Variants in ASIC2 observed in about 807,000 individuals in gnomAD.
ASIC2 encodes the protein acid-sensing ion channel 2.
Under a neutral mutation model 57.3 loss-of-function variants are expected in ASIC2, and 25 were observed. The observed-to-expected ratio is 0.44, with a 90% CI of 0.32 to 0.61. The LOEUF (loss-of-function observed/expected upper bound fraction) is 0.61, where lower values mean the gene tolerates loss of function less well. ASIC2 is among the 20% of genes least tolerant of loss of function. The probability of loss-of-function intolerance (pLI) is 0.06; values close to 1 mark genes in which losing one functional copy is unlikely to be tolerated. For synonymous variants in ASIC2, 319 were observed against 307.5 expected, an observed-to-expected ratio of 1.04 and a Z score of -0.39; for missense variants, 641 against 738.1, an observed-to-expected ratio of 0.87 and a Z score of 1.52.
At chr17:33,493,747 T>C (rs568703269) in intron 1 of ASIC2, among the ~76,000 whole-genome samples, 8 of 152,226 alleles carry the variant, frequency 5.3e-5, no homozygotes, top group African/African-American at 1.9e-4. Context: ...ATAGCATTCT[T>C]ACTCTCCCCT....
At chr17:33,456,403 T>C (rs1315096694) in intron 1 of ASIC2, among the ~76,000 whole-genome samples, 3 of 152,142 alleles carry the variant, frequency 2.0e-5, no homozygotes, top group African/African-American at 7.2e-5. Flanking sequence ...CATCATGCAC[T>C]ATCCCCATCC....
chr17:33,122,514 T>C (rs764402826), intron 1 of ASIC2, among the ~76,000 whole-genome samples: 12 of 152,178 alleles, frequency 7.9e-5, no homozygotes, highest in Non-Finnish European at 1.8e-4. Flanking sequence ...CTTTTTAATA[T>C]TTGATGTTTT....
At chr17:33,149,627 T>C (rs1324445834) in intron 1 of ASIC2, among the ~76,000 whole-genome samples, 1 of 152,244 alleles carries the variant, frequency 6.6e-6, no homozygotes, top group Non-Finnish European at 1.5e-5. Context: ...TACCAATTTA[T>C]ATTCCTGCAT....
chr17:33,765,194 C>T (rs1910899284), intron 1 of ASIC2, among the ~76,000 whole-genome samples: 1 of 152,200 alleles, frequency 6.6e-6, no homozygotes, highest in Non-Finnish European at 1.5e-5. Context: ...CAAGCTCCGC[C>T]TCCCGGGTTC....
intron 1 of ASIC2, among the ~76,000 whole-genome samples, chr17:33,122,460 C>T (rs2092306540): frequency 6.6e-6 from 1 of 152,088 alleles, no homozygotes; most frequent in Non-Finnish European, 1.5e-5. Context: ...ATCTGAGCTC[C>T]TATAGGATGT....
chr17:33,839,542 C>T (rs1913370747), intron 1 of ASIC2, among the ~76,000 whole-genome samples: 1 of 152,212 alleles, frequency 6.6e-6, no homozygotes, highest in Admixed American at 6.5e-5. Flanking sequence ...CTGCAAACCA[C>T]ATTTATCCTT....
intron 1 of ASIC2, among the ~76,000 whole-genome samples, chr17:33,799,423 CTTTCTTCTTTCTTTCTTTCTTTCT>C (rs1912041284): frequency 9.0e-5 from 6 of 66,756 alleles, no homozygotes; most frequent in African/African-American, 2.5e-4. Flanking sequence ...TTCTTTCTTT[CTTTCTTCTTTCTTTCTTTCTTTCT>C]TTCTTTCTTT....
At chr17:34,000,053 G>T (rs572897438) in intron 1 of ASIC2, among the ~76,000 whole-genome samples, 2,190 of 144,932 alleles carry the variant, frequency 0.015, 44 homozygotes, top group African/African-American at 0.052. Context: ...TGTTATTGTT[G>T]TTTTTTTTTT....
At chr17:34,074,694 C>T (rs1217046964) in intron 1 of ASIC2, among the ~76,000 whole-genome samples, 1 of 152,052 alleles carries the variant, frequency 6.6e-6, no homozygotes, top group East Asian at 1.9e-4. Flanking sequence ...GTTTCAGGGC[C>T]ACTGTAGCTC....
chr17:33,245,594 T>C (rs1908661519), intron 1 of ASIC2, among the ~76,000 whole-genome samples: 1 of 152,222 alleles, frequency 6.6e-6, no homozygotes, highest in Non-Finnish European at 1.5e-5. Flanking sequence ...TCAGGAATGA[T>C]GTTCAGGAAT....
At chr17:33,838,581 T>C (rs1567730378) in intron 1 of ASIC2, among the ~76,000 whole-genome samples, 2 of 152,220 alleles carry the variant, frequency 1.3e-5, no homozygotes, top group Non-Finnish European at 2.9e-5. Context: ...ATCTCAGTTG[T>C]AGCCTTTGAA....
intron 3 of ASIC2, among the ~76,000 whole-genome samples, chr17:33,072,892 G>C (rs2092074844): frequency 6.6e-6 from 1 of 152,244 alleles, no homozygotes; most frequent in Non-Finnish European, 1.5e-5. Flanking sequence ...CACTCCCCCT[G>C]CTAGAAAACA....
chr17:33,465,516 G>A (rs764552129), intron 1 of ASIC2, among the ~76,000 whole-genome samples: 2 of 151,966 alleles, frequency 1.3e-5, no homozygotes, highest in Non-Finnish European at 2.9e-5. Context: ...TGGGATTACA[G>A]GCGCATGCCA....
Position 33,078,986 on chromosome 17 carries a change from A to G in ASIC2, c.987+9877T>C, listed in dbSNP as rs573273087. Among the ~76,000 whole-genome samples the G allele has an allele frequency of 2.0e-5, 3 of 152,272 alleles. No homozygotes were observed. In the South Asian group the frequency reaches 6.2e-4, roughly 32 times the overall value. On this transcript the variant is annotated intron_variant, in intron 3 of 9. Transcript: ENST00000225823. ...TGCTGGAGGGCAGTGAGATATAATC[A>G]CTGGGAAAAGTGATGGTGGGAGCCC...
At chr17:33,398,302 T>C (rs1156421948) in intron 1 of ASIC2, among the ~76,000 whole-genome samples, 5 of 152,200 alleles carry the variant, frequency 3.3e-5, no homozygotes, top group African/African-American at 1.2e-4. Context: ...CACTAAATAC[T>C]TGTTGAGTGA....
In ASIC2 at chr17:34,119,257, G is replaced by A. The variant is rs150334161; in HGVS notation, c.555+36721C>T. Among the ~76,000 whole-genome samples, 9 of 152,192 alleles carry A rather than the reference G, an allele frequency of 5.9e-5. No individual in the cohort carries two copies. In the South Asian group the frequency reaches 6.2e-4, roughly 11 times the overall value. ...TCGAGTCCCAGCTCTGCCATTTGCCGTCTGAGCTTGCCATGCTACCTAACT... is the reference window on the plus strand; with the variant it reads ...TCGAGTCCCAGCTCTGCCATTTGCCATCTGAGCTTGCCATGCTACCTAACT... On this transcript the variant is annotated intron_variant, in intron 1 of 9. Transcript: ENST00000359872.
chr17:33,320,664 T>G (rs1349723724), intron 1 of ASIC2, among the ~76,000 whole-genome samples: 3 of 152,216 alleles, frequency 2.0e-5, no homozygotes, highest in African/African-American at 4.8e-5. Flanking sequence ...GTGATTTGCT[T>G]TCCTATGTGG....
chr17:33,488,841 A>G (rs1319204436), intron 1 of ASIC2, among the ~76,000 whole-genome samples: 1 of 151,958 alleles, frequency 6.6e-6, no homozygotes, highest in African/African-American at 2.4e-5. Flanking sequence ...TTCAGTCCTA[A>G]TGACACGCTC....
At chr17:33,056,848 A>G (rs1393105028) in intron 3 of ASIC2, among the ~76,000 whole-genome samples, 3 of 152,218 alleles carry the variant, frequency 2.0e-5, no homozygotes, top group Non-Finnish European at 2.9e-5. Context: ...CTGAAGCCAG[A>G]GAGGGGTTCA....
Sources: gnomAD v4.1 joint callset for allele counts (sites outside exome capture counted in the v4.1 genomes callset) on GRCh38, gnomAD v4.1.1 for gene constraint, MANE v1.5 for transcripts, NCBI Gene and HGNC (gene_info 2026-07-23, HGNC 2026-07-21) for gene names.